The following FAT3 variants were observed in gnomAD, a reference collection of about 807,000 sequenced individuals.
The protein encoded by FAT3 is FAT atypical cadherin 3.
A neutral mutation model predicts 310.2 loss-of-function variants in FAT3; 95 were observed. The ratio of observed to expected loss-of-function variants is 0.31; its 90% CI spans 0.26 to 0.36. The LOEUF is 0.36. Among genes scored for constraint, FAT3 ranks in the 10% least tolerant of loss-of-function variants. The pLI, the probability that FAT3 is intolerant of heterozygous loss-of-function variation, is 1.00. For synonymous variants in FAT3, 2,314 were observed against 2,192.9 expected (o/e 1.06, Z -1.54); for missense variants, 5,408 against 5,715.6 (o/e 0.95, Z 1.74).
In FAT3 at chr11:92,697,022, A is replaced by G. The variant is rs149255055; in HGVS notation, c.3608-362A>G. 3.9e-4 allele frequency among the ~76,000 whole-genome samples: 59 copies of G among 152,322 alleles called. 1 individual carries two copies. The East Asian group carries it at 0.011, about 29-fold the overall frequency. On this transcript the variant is annotated intron_variant, in intron 3 of 27. Transcript: ENST00000525166. ...TCTAATCAGCATAAACAACCTATTA[A>G]TTGTTCAGGAACTCTAAAATCTTTA...
intron 23 of FAT3, among the ~76,000 whole-genome samples, 193 bp downstream of exon 23, chr11:92,881,077 T>A (rs1442122705): frequency 6.6e-6 from 1 of 152,238 alleles, no homozygotes; most frequent in Non-Finnish European, 1.5e-5. Context: ...AGTAGGGTCA[T>A]GAGTAATTCA....
chr11:92,707,869 T>G (rs1944403399), intron 4 of FAT3, among the ~76,000 whole-genome samples: 1 of 152,198 alleles, frequency 6.6e-6, no homozygotes, highest in Non-Finnish European at 1.5e-5. Flanking sequence ...GTGGGAAAAT[T>G]TAAAATGTAA....
intron 9 of FAT3, among the ~76,000 whole-genome samples, chr11:92,796,461 A>C (rs1440298227): frequency 6.6e-6 from 1 of 152,176 alleles, no homozygotes; most frequent in African/African-American, 2.4e-5. Flanking sequence ...TCAGACATGG[A>C]AAACTTTATA....
chr11:92,551,279 C>G (rs1480560272), intron 3 of FAT3, among the ~76,000 whole-genome samples: 4 of 152,086 alleles, frequency 2.6e-5, no homozygotes, highest in Non-Finnish European at 4.4e-5. Context: ...TTCTAAATCT[C>G]TCTACTCTGG....
chr11:92,755,157 G>A (rs1945953762), intron 4 of FAT3, among the ~76,000 whole-genome samples: 4 of 152,112 alleles, frequency 2.6e-5, no homozygotes, highest in Admixed American at 2.6e-4. Flanking sequence ...ACATCATGGT[G>A]ATTATACTAA....
In FAT3 at chr11:92,844,402, A is replaced by G. The variant is rs1391242727; in HGVS notation, c.11035A>G (p.Thr3679Ala). Residue 3679 changes from threonine to alanine, a missense_variant, in exon 19 of 28, where the codon ACC (threonine) becomes GCC (alanine). Coordinates refer to ENST00000525166, the MANE Select transcript of FAT3 (RefSeq NM_001367949.2). The stretch of plus-strand genomic sequence containing the variant: ...GCGCACCCTGCGGAATGCAGTCCTC[A>G]CCCAGAAGCAGGACAGCCTGCGCAT... ...FRRTLRNAVLTQKQDSLRIIS... is the reference protein window; with the variant it reads ...FRRTLRNAVLAQKQDSLRIIS... The G allele has an allele frequency of 1.2e-6, 2 of 1,613,878 alleles. No individual in the cohort carries two copies. The highest frequency in any genetic ancestry group is 1.1e-5 in the South Asian group (1 of 91,078).
At chr11:92,486,016 AG>A (rs910230945) in intron 2 of FAT3, among the ~76,000 whole-genome samples, 1 of 152,084 alleles carries the variant, frequency 6.6e-6, no homozygotes, top group African/African-American at 2.4e-5. Context: ...ACATGAACAA[AG>A]GAATTTTTAG....
intron 2 of FAT3, among the ~76,000 whole-genome samples, chr11:92,363,733 A>G (rs1948940127): frequency 6.6e-6 from 1 of 152,194 alleles, no homozygotes; most frequent in South Asian, 2.1e-4. Context: ...GACCTGAGCA[A>G]GCAAGGGAGA....
At position 92,890,696 on chromosome 11, in the gene FAT3, GCCT is replaced by G. The variant is rs1320776991; in HGVS notation, c.13361_13363del (p.Pro4454del). On this transcript the variant is annotated inframe_deletion, in exon 28 of 28. Transcript: ENST00000525166. ...AGGAGTTCTTGAGTCAGGACCAGCT[GCCT>G]CCTCCTCTCCCGGAGGACTTCCCAG... 5.0e-6 allele frequency: 8 copies of G among 1,613,454 alleles called. No homozygotes were observed. The highest frequency in any genetic ancestry group is 4.2e-6 in the Non-Finnish European group (5 of 1,179,784).
chr11:92,464,089 A>C (rs1951703700), intron 2 of FAT3, among the ~76,000 whole-genome samples: 1 of 152,320 alleles, frequency 6.6e-6, no homozygotes, highest in African/African-American at 2.4e-5. Flanking sequence ...AGACACCTTG[A>C]GGTTTGCAGC....
intron 4 of FAT3, among the ~76,000 whole-genome samples, chr11:92,720,264 G>A (rs1332889754): frequency 1.3e-5 from 2 of 152,084 alleles, no homozygotes; most frequent in African/African-American, 2.4e-5. Flanking sequence ...TGATCTTCAC[G>A]AGCACTTTAA....
intron 13 of FAT3, among the ~76,000 whole-genome samples, chr11:92,831,233 G>C (rs754647290): frequency 1.3e-5 from 2 of 152,194 alleles, no homozygotes; most frequent in Non-Finnish European, 2.9e-5. Flanking sequence ...GTGCCTGGTA[G>C]ATTCTAAATA....
intron 4 of FAT3, among the ~76,000 whole-genome samples, chr11:92,707,283 C>G (rs1008654052): frequency 4.6e-5 from 7 of 152,250 alleles, no homozygotes; most frequent in African/African-American, 9.6e-5. Flanking sequence ...TTTGACTGCT[C>G]TGCTCACCCA....
intron 3 of FAT3, among the ~76,000 whole-genome samples, chr11:92,585,372 T>C (rs1419786108): frequency 6.6e-6 from 1 of 152,060 alleles, no homozygotes; most frequent in Non-Finnish European, 1.5e-5. Context: ...ACTAGTGTGT[T>C]GGCCTGGATT....
Position 92,834,931 on chromosome 11 carries a change from G to A in FAT3, c.9933G>A (p.Val3311=). The change falls in exon 15 of 28, where the codon GTG becomes GTA. Residue 3311 remains valine, a synonymous_variant. Transcript: ENST00000525166. ...TATGCAAAAGGTTTTACCTGGTAGT[G>A]GAAGCCAAAGATGGGGGCACCCCAG... is the stretch of plus-strand genomic sequence containing the variant. The part of the protein sequence containing the change: ...YELCKRFYLV[V]EAKDGGTPAL... 3.1e-6 allele frequency: 5 copies of A among 1,613,070 alleles called. No individual in the cohort carries two copies. Among genetic ancestry groups the A allele is most frequent in the Non-Finnish European group, 4.2e-6 (5 of 1,179,524 alleles).
At chr11:92,838,654 G>T (rs1204964387) in intron 17 of FAT3, among the ~76,000 whole-genome samples, 2 of 152,212 alleles carry the variant, frequency 1.3e-5, no homozygotes, top group Non-Finnish European at 2.9e-5. Context: ...GCATGATCCA[G>T]TTTGGCCTCA....
intron 2 of FAT3, among the ~76,000 whole-genome samples, chr11:92,392,198 G>GC (rs1949765590): frequency 6.6e-6 from 1 of 152,092 alleles, no homozygotes; most frequent in Non-Finnish European, 1.5e-5. Flanking sequence ...ATCGAACCAT[G>GC]CTTATTTTCC....
intron 3 of FAT3, among the ~76,000 whole-genome samples, chr11:92,556,288 C>T (rs1955014393): frequency 6.6e-6 from 1 of 152,158 alleles, no homozygotes; most frequent in South Asian, 2.1e-4. Context: ...ATCTACCAGA[C>T]TCCTGGATGT....
intron 1 of FAT3, among the ~76,000 whole-genome samples, chr11:92,339,426 C>T (rs968561172): frequency 6.6e-6 from 1 of 152,040 alleles, no homozygotes; most frequent in African/African-American, 2.4e-5. Flanking sequence ...TACTATGTGC[C>T]CAGTAGTATG....
Sources: gnomAD v4.1 joint callset for allele counts (sites outside exome capture counted in the v4.1 genomes callset) on GRCh38, gnomAD v4.1.1 for gene constraint, MANE v1.5 for transcripts, NCBI Gene and HGNC (gene_info 2026-07-23, HGNC 2026-07-21) for gene names.